The following SASS6 variants were observed in gnomAD, a reference collection of about 807,000 sequenced individuals.
SASS6 encodes spindle assembly abnormal protein 6 homolog.
In SASS6, 59 loss-of-function variants were observed where a neutral mutation model predicts 94.9. The ratio of observed to expected loss-of-function variants is 0.62; its 90% CI spans 0.50 to 0.77. The LOEUF is 0.77. Ranked by LOEUF, SASS6 falls within the 30% of genes least tolerant of loss-of-function variation. SASS6 has a pLI of 0.00. For synonymous variants in SASS6, 264 were observed against 270.0 expected (o/e 0.98, Z 0.22); for missense variants, 698 against 734.1 (o/e 0.95, Z 0.57).
Position 100,085,633 on chromosome 1 carries a change from TAAAA to T in SASS6, c.1773-7_1773-4del. On this transcript the variant is annotated splice_polypyrimidine_tract_variant and splice_region_variant and intron_variant, in intron 15 of 16. Transcript: ENST00000287482. ...ATTCCAACCCTACATTTTCACCACTTAAAAAGAAAATGGTAATAACTTATTTAAC... is the reference window on the plus strand; with the variant it reads ...ATTCCAACCCTACATTTTCACCACTTAGAAAATGGTAATAACTTATTTAAC... 6.4e-7 allele frequency: 1 copy of T among 1,570,560 alleles called. No homozygotes were observed. The highest frequency in any genetic ancestry group is 8.7e-7 in the Non-Finnish European group (1 of 1,143,326).
intron 7 of SASS6, among the ~76,000 whole-genome samples, chr1:100,111,485 C>T (rs939696764): frequency 6.6e-6 from 1 of 151,926 alleles, no homozygotes; most frequent in African/African-American, 2.4e-5. Context: ...CAATTTTTCA[C>T]AATTATAAAT....
intron 7 of SASS6, among the ~76,000 whole-genome samples, chr1:100,111,810 G>C (rs1024279186): frequency 1.3e-5 from 2 of 152,048 alleles, no homozygotes; most frequent in Non-Finnish European, 2.9e-5. Context: ...CATCTTGGAA[G>C]AAAACATTGA....
At chr1:100,098,260 C>CA (rs558745212) in intron 14 of SASS6, among the ~76,000 whole-genome samples, 160 of 149,838 alleles carry the variant, frequency 1.1e-3, no homozygotes, top group Middle Eastern at 3.4e-3. Flanking sequence ...ACCTCCCAAA[C>CA]AAAAAAAAAC....
At chr1:100,117,968 A>C (rs187977089) in intron 7 of SASS6, among the ~76,000 whole-genome samples, 1 of 152,294 alleles carries the variant, frequency 6.6e-6, no homozygotes, top group East Asian at 1.9e-4. Flanking sequence ...TTCACAAAAA[A>C]TACAAGAAAT....
At chr1:100,097,654 A>G (rs1349922482) in intron 14 of SASS6, among the ~76,000 whole-genome samples, 2 of 151,982 alleles carry the variant, frequency 1.3e-5, no homozygotes, top group African/African-American at 2.4e-5. Flanking sequence ...GTGAAACTCC[A>G]TCTCTACAAA....
chr1:100,125,844 T>C, intron 2 of SASS6, 38 bp downstream of exon 2: 1 of 979,060 alleles, frequency 1.0e-6, no homozygotes. Context: ...GTCTACAATG[T>C]ACCGAAATGA....
chr1:100,123,111 A>T (rs1303016240), intron 3 of SASS6, 99 bp downstream of exon 3: 5 of 567,780 alleles, frequency 8.8e-6, no homozygotes, highest in Non-Finnish European at 1.3e-5. Context: ...AAAGTAACTA[A>T]ATCTAATATG....
At chr1:100,102,894 G>A in intron 14 of SASS6, 61 bp downstream of exon 14, 2 of 1,287,512 alleles carry the variant, frequency 1.6e-6, no homozygotes, top group Non-Finnish European at 2.2e-6. Flanking sequence ...GATGTGAAAT[G>A]TTTGTATGCT....
intron 15 of SASS6, among the ~76,000 whole-genome samples, chr1:100,087,052 C>T (rs59241460): frequency 0.033 from 5,029 of 152,196 alleles, 303 homozygotes; most frequent in African/African-American, 0.11. Flanking sequence ...GGCACAATAT[C>T]GGCTCACTGC....
intron 5 of SASS6, among the ~76,000 whole-genome samples, 168 bp downstream of exon 5, chr1:100,121,210 C>A (rs1219699194): frequency 6.6e-6 from 1 of 152,150 alleles, no homozygotes; most frequent in Non-Finnish European, 1.5e-5. Flanking sequence ...TGGTCCAGAT[C>A]CATCCCGACT....
chr1:100,092,700 C>T (rs1195399192), intron 14 of SASS6, among the ~76,000 whole-genome samples: 5 of 152,164 alleles, frequency 3.3e-5, no homozygotes, highest in South Asian at 2.1e-4. Flanking sequence ...CTTAGCCTCC[C>T]GAGTAGCTGA....
intron 7 of SASS6, among the ~76,000 whole-genome samples, chr1:100,114,844 G>A (rs1010955420): frequency 1.3e-5 from 2 of 151,970 alleles, no homozygotes; most frequent in Admixed American, 1.3e-4. Context: ...TTCCACCTTT[G>A]GAAATCTATT....
rs1416585541 is a variant in SASS6, at chr1:100,085,247, G to A, written c.*81C>T. 1.2e-6 allele frequency: 1 copy of A among 866,166 alleles called. No individual in the cohort carries two copies. Among genetic ancestry groups the A allele is most frequent in the Non-Finnish European group, 2.0e-6 (1 of 511,682 alleles). 53.7% of individuals were successfully genotyped at this position (866,166 alleles called of 1,614,324 possible). A position where few individuals can be genotyped will look rare whatever the true frequency, so the allele number is the denominator to read the frequency against. ...AAGTAAAATTTGAAACTTGCTATTT[G>A]AGGATCTGGTTTGTGTTGACATATT... On this transcript the variant is annotated 3_prime_UTR_variant, in exon 17 of 17. Transcript: ENST00000287482.
At chr1:100,132,588 G>C (rs1283574539) in intron 1 of SASS6, among the ~76,000 whole-genome samples, 162 bp downstream of exon 1, 1 of 152,122 alleles carries the variant, frequency 6.6e-6, no homozygotes, top group Non-Finnish European at 1.5e-5. Context: ...CCGACTTGGT[G>C]AGAGAGGTAA....
intron 15 of SASS6, among the ~76,000 whole-genome samples, chr1:100,086,587 GCT>G (rs1383757021): frequency 6.6e-6 from 1 of 150,600 alleles, no homozygotes; most frequent in Admixed American, 6.6e-5. Context: ...ACTGATCATA[GCT>G]TACTACAGAC....
rs767467641 is a variant in SASS6 at position 100,121,564 on chromosome 1, T to C, written c.312-15A>G. On this transcript the variant is annotated splice_polypyrimidine_tract_variant and intron_variant, in intron 4 of 16. Transcript: ENST00000287482. ...GTAGCAAAAACCTTTGAAAAGAAAATGTTACATTATAACACACTTAAGAGA... is the reference window on the plus strand; with the variant it reads ...GTAGCAAAAACCTTTGAAAAGAAAACGTTACATTATAACACACTTAAGAGA... 5 of 1,479,818 alleles carry C rather than the reference T, an allele frequency of 3.4e-6. No homozygotes were observed. Among genetic ancestry groups the C allele is most frequent in the Non-Finnish European group, 4.7e-6 (5 of 1,069,384 alleles). 91.7% of individuals were successfully genotyped at this position (1,479,818 alleles called of 1,614,324 possible). A position where few individuals can be genotyped will look rare whatever the true frequency, so the allele number is the denominator to read the frequency against.
chr1:100,108,423 C>T lies in SASS6; in HGVS notation c.862-419G>A, dbSNP rs551717706. The stretch of plus-strand genomic sequence containing the variant: ...TGATACTCTGCAGTTTATAATCTAC[C>T]TTCTTCACGTATTACAAATATCTTT... On this transcript the variant is annotated intron_variant, in intron 8 of 16. Transcript: ENST00000287482. 6.5e-4 allele frequency among the ~76,000 whole-genome samples: 99 copies of T among 152,132 alleles called. 1 individual carries two copies. Among genetic ancestry groups the T allele is most frequent in the South Asian group, 1.9e-3 (9 of 4,810 alleles).
At chr1:100,113,762 C>T (rs2810421) in intron 7 of SASS6, among the ~76,000 whole-genome samples, 140,650 of 151,998 alleles carry the variant, frequency 0.93, 65,291 homozygotes, top group South Asian at 0.99. Flanking sequence ...AGAAAAACCA[C>T]CTAGTCGCGT....
chr1:100,087,552 T>C (rs1302586652), intron 15 of SASS6, among the ~76,000 whole-genome samples: 4 of 152,168 alleles, frequency 2.6e-5, no homozygotes, highest in South Asian at 2.1e-4. Flanking sequence ...CCACAAGTCA[T>C]TGAATCAACA....
Sources: gnomAD v4.1 joint callset for allele counts (sites outside exome capture counted in the v4.1 genomes callset) on GRCh38, gnomAD v4.1.1 for gene constraint, MANE v1.5 for transcripts, NCBI Gene and HGNC (gene_info 2026-07-23, HGNC 2026-07-21) for gene names.